USP4: variants seen among roughly 807,000 people sequenced by gnomAD.
The protein encoded by USP4 is ubiquitin carboxyl-terminal hydrolase 4.
Under a neutral mutation model 118.2 loss-of-function variants are expected in USP4, and 72 were observed. The ratio of observed to expected loss-of-function variants is 0.61; its 90% CI spans 0.50 to 0.74. The LOEUF is 0.74. Among genes scored for constraint, USP4 ranks in the 30% least tolerant of loss-of-function variants. The pLI is 0.00. For synonymous variants in USP4, 415 were observed against 440.4 expected, an observed-to-expected ratio of 0.94 and a Z score of 0.72; for missense variants, 1,037 against 1,185.7, an observed-to-expected ratio of 0.87 and a Z score of 1.84.
At chr3:49,321,819 C>A in intron 6 of USP4, among the ~76,000 whole-genome samples, 1 of 151,876 alleles carries the variant, frequency 6.6e-6, no homozygotes, top group Non-Finnish European at 1.5e-5. Flanking sequence ...CATGGTGAAA[C>A]CCCGTCTCTA....
chr3:49,337,633 T>C (rs1460678035), intron 1 of USP4, among the ~76,000 whole-genome samples: 1 of 151,696 alleles, frequency 6.6e-6, no homozygotes, highest in African/African-American at 2.4e-5. Context: ...GGCTAGCTCT[T>C]GCTATGTTGC....
At chr3:49,279,424 C>G (rs1347112086) in intron 20 of USP4, among the ~76,000 whole-genome samples, 1 of 151,790 alleles carries the variant, frequency 6.6e-6, no homozygotes, top group African/African-American at 2.4e-5. Flanking sequence ...ATGTGAACAA[C>G]ATACCTTAGT....
intron 9 of USP4, among the ~76,000 whole-genome samples, chr3:49,303,878 G>T (rs1228031877): frequency 6.6e-6 from 1 of 151,952 alleles, no homozygotes; most frequent in African/African-American, 2.4e-5. Flanking sequence ...TTGGCCTCCC[G>T]AGTTGCTGGG....
At chr3:49,328,996 A>ACATG (rs2047586250) in intron 2 of USP4, among the ~76,000 whole-genome samples, 1 of 151,280 alleles carries the variant, frequency 6.6e-6, no homozygotes, top group South Asian at 2.1e-4. Flanking sequence ...TGGCCAGGGT[A>ACATG]GTGAAACCCC....
chr3:49,301,571 C>T (rs1469089857), intron 10 of USP4, among the ~76,000 whole-genome samples: 2 of 151,992 alleles, frequency 1.3e-5, no homozygotes, highest in Non-Finnish European at 2.9e-5. Flanking sequence ...GGCTGTAGTG[C>T]CAGCTACTTG....
chr3:49,330,350 G>A (rs1268797133), intron 2 of USP4, among the ~76,000 whole-genome samples: 2 of 150,112 alleles, frequency 1.3e-5, no homozygotes, highest in Non-Finnish European at 3.0e-5. Context: ...TTTTTTTTGA[G>A]ACAGTCTCGC....
chr3:49,284,738 A>G, intron 17 of USP4, 111 bp downstream of exon 17: 1 of 1,243,468 alleles, frequency 8.0e-7, no homozygotes, highest in Non-Finnish European at 1.2e-6. Flanking sequence ...TTTCCTTCTC[A>G]GTCTTAAATA....
intron 6 of USP4, among the ~76,000 whole-genome samples, chr3:49,320,668 A>ACTCAT (rs1485245633): frequency 6.6e-6 from 1 of 152,016 alleles, no homozygotes; most frequent in East Asian, 1.9e-4. Context: ...GGTAAATTTA[A>ACTCAT]CTCATCTACA....
Position 49,284,907 on chromosome 3 carries a change from A to G in USP4, c.2213T>C (p.Leu738Pro). 6.2e-7 allele frequency: 1 copy of G among 1,612,716 alleles called. No homozygotes were observed. Among genetic ancestry groups the G allele is most frequent in the South Asian group, 1.1e-5 (1 of 90,864 alleles). ...KLLKLNSRST[L>P]AMDWDSETRR... ...AGTTTCACTGTCCCAATCCATGGCC[A>G]GTGTAGATCGAGCTGAGGAGGACCA... The change falls in exon 17 of 22, where the codon CTG becomes CCG. Residue 738 changes from leucine (L) to proline (P), a missense_variant. Around this residue, in one of 3 missense-constraint regions of USP4, gnomAD observed 522 missense variants for 592.6 expected, o/e 0.88. Coordinates refer to ENST00000265560, the MANE Select transcript of USP4 (RefSeq NM_003363.4).
chr3:49,277,341 C>A lies in USP4; in HGVS notation c.*952G>T. Reference sequence around the variant, plus strand: ...CCTTGCCCACACGCAGCGGCTGGCCCCGCGGTGGGAGTGGGGACGGGGCTT... The same window carrying A: ...CCTTGCCCACACGCAGCGGCTGGCCACGCGGTGGGAGTGGGGACGGGGCTT... On this transcript the variant is annotated 3_prime_UTR_variant, in exon 22 of 22. Transcript: ENST00000265560. The A allele has an allele frequency of 1.1e-6, 1 of 931,012 alleles. No homozygotes were observed. The highest frequency in any genetic ancestry group is 1.5e-6 in the Non-Finnish European group (1 of 685,856). 57.7% of individuals were successfully genotyped at this position (931,012 alleles called of 1,614,324 possible).
rs35315839 is a variant in USP4 at position 49,299,235 on chromosome 3, G to A, written c.1513-600C>T. Among the ~76,000 whole-genome samples the A allele has an allele frequency of 9.3e-5, 14 of 151,248 alleles. No homozygotes were observed. The East Asian group carries it at 9.8e-4, about 11-fold the overall frequency. Reference sequence around the variant, plus strand: ...CTCCTGAGTAGCTGGGATTACAGGCGCGCACCACCACGCCTGGATAATTTT... The same window carrying A: ...CTCCTGAGTAGCTGGGATTACAGGCACGCACCACCACGCCTGGATAATTTT... On this transcript the variant is annotated intron_variant, in intron 11 of 21. Transcript: ENST00000265560.
At chr3:49,326,540 G>GTAT (rs1394942354) in intron 3 of USP4, among the ~76,000 whole-genome samples, 2 of 150,948 alleles carry the variant, frequency 1.3e-5, no homozygotes, top group Non-Finnish European at 1.5e-5. Context: ...GGGACTACAG[G>GTAT]GGCCCACCAT....
chr3:49,294,154 T>C (rs1290775245), intron 14 of USP4, among the ~76,000 whole-genome samples: 1 of 151,990 alleles, frequency 6.6e-6, no homozygotes, highest in Non-Finnish European at 1.5e-5. Context: ...CCTGGCTAAT[T>C]TTATATTTTT....
chr3:49,335,918 T>C (rs910119976), intron 1 of USP4, among the ~76,000 whole-genome samples: 9 of 152,100 alleles, frequency 5.9e-5, no homozygotes, highest in African/African-American at 1.9e-4. Context: ...GGCTGGAGTA[T>C]AGTGACACAA....
chr3:49,310,726 A>G lies in USP4; in HGVS notation c.848T>C (p.Phe283Ser), dbSNP rs1232884778. Reference protein sequence around the residue: ...SSGVSRGGSGFSASYNCQEPP... With the variant: ...SSGVSRGGSGSSASYNCQEPP... Reference sequence around the variant, plus strand: ...CTCCTGACAATTATACGAAGCAGAAAAGCCAGATCCACTGGAAAACACAAC... The same window carrying G: ...CTCCTGACAATTATACGAAGCAGAAGAGCCAGATCCACTGGAAAACACAAC... Residue 283 changes from phenylalanine (F) to serine (S), a missense_variant, in exon 8 of 22, where the codon TTT becomes TCT. Transcript: ENST00000265560. 1 of 1,613,974 alleles carries G rather than the reference A, an allele frequency of 6.2e-7. No individual in the cohort carries two copies. The highest frequency in any genetic ancestry group is 2.2e-5 in the East Asian group (1 of 44,878).
intron 3 of USP4, among the ~76,000 whole-genome samples, chr3:49,326,603 G>T (rs1372883541): frequency 1.3e-5 from 2 of 151,242 alleles, no homozygotes; most frequent in East Asian, 3.9e-4. Context: ...CACCATGTTG[G>T]CCAGGATGGT....
intron 6 of USP4, chr3:49,317,358 C>T (rs1382583413): frequency 8.5e-7 from 1 of 1,170,240 alleles, no homozygotes; most frequent in Non-Finnish European, 1.3e-6. Flanking sequence ...TGTCCTCCTC[C>T]TGCTGGATCT....
In USP4 at chr3:49,298,623, C is replaced by G. The variant is rs761946795; in HGVS notation, c.1525G>C (p.Val509Leu). Residue 509 changes from valine (V) to leucine (L), a missense_variant, in exon 12 of 22, where the codon GTG becomes CTG. Physicochemically the swap from Val to Leu is conservative, Grantham distance 32. Transcript: ENST00000265560. ...HCRPTQYRVT[V>L]PLMGAVSDLC... The stretch of plus-strand genomic sequence containing the variant: ...TCGGACACAGCCCCCATCAGCGGCA[C>G]AGTCACACGGTACTGCAAGACAGAG... The G allele has an allele frequency of 6.2e-6, 10 of 1,614,032 alleles. No individual in the cohort carries two copies. The Admixed American group carries it at 1.3e-4, about 22-fold the overall frequency.
intron 2 of USP4, among the ~76,000 whole-genome samples, chr3:49,329,357 A>C (rs1389093607): frequency 1.3e-5 from 2 of 151,882 alleles, no homozygotes; most frequent in Non-Finnish European, 2.9e-5. Context: ...GACTCCTATT[A>C]ATGTTGATTT....
Sources: allele counts gnomAD v4.1 joint callset (sites outside exome capture counted in the v4.1 genomes callset), GRCh38; gene constraint gnomAD v4.1.1; regional missense constraint gnomAD v4.1.1; transcripts MANE v1.5; gene names NCBI Gene and HGNC (gene_info 2026-07-23, HGNC 2026-07-21).